The following ABR variants were observed in gnomAD, a reference collection of about 807,000 sequenced individuals.
ABR encodes the protein active breakpoint cluster region-related protein.
A neutral mutation model predicts 107.2 loss-of-function variants in ABR; 35 were observed. The observed-to-expected ratio is 0.33, with a 90% CI of 0.25 to 0.43. The LOEUF is 0.43. Among genes scored for constraint, ABR ranks in the 20% least tolerant of loss-of-function variants. The probability of loss-of-function intolerance (pLI) is 1.00; values close to 1 mark genes in which losing one functional copy is unlikely to be tolerated. For synonymous variants in ABR, 498 were observed against 462.0 expected (o/e 1.08, Z -1.00); for missense variants, 815 against 1,115.2 (o/e 0.73, Z 3.83).
At chr17:1,090,417 C>A (rs1041272292) in intron 4 of ABR, among the ~76,000 whole-genome samples, 3 of 152,048 alleles carry the variant, frequency 2.0e-5, no homozygotes, top group Admixed American at 6.6e-5. Flanking sequence ...GTGAGTGGGC[C>A]TGGAGGCAGG....
At position 1,038,953 on chromosome 17, in the gene ABR, T is replaced by C. The variant is rs1384443628; in HGVS notation, c.1791+11097A>G. On this transcript the variant is annotated intron_variant, in intron 16 of 22. Transcript: ENST00000302538. Reference sequence around the variant, plus strand: ...TTAGCGGCTCACGGGGAGGAATCTATGTCTGCGGCTTTCGCCTCGGCGAGT... The same window carrying C: ...TTAGCGGCTCACGGGGAGGAATCTACGTCTGCGGCTTTCGCCTCGGCGAGT... 6.6e-5 allele frequency among the ~76,000 whole-genome samples: 10 copies of C among 152,346 alleles called. No homozygotes were observed. In the East Asian group the frequency reaches 1.7e-3, roughly 26 times the overall value.
chr17:1,225,148 CA>C (rs57761576), intron 1 of ABR, among the ~76,000 whole-genome samples: 65,070 of 118,848 alleles, frequency 0.55, 15,822 homozygotes, highest in Middle Eastern at 0.63. Context: ...GACTCCATCT[CA>C]AAAAAAAAAA....
At chr17:1,025,089 T>C (rs1597421153) in intron 16 of ABR, among the ~76,000 whole-genome samples, 1 of 104,188 alleles carries the variant, frequency 9.6e-6, no homozygotes. Flanking sequence ...GCCACTGCAC[T>C]CCAGCCTGGG....
At chr17:1,225,326 C>T (rs572395226) in intron 1 of ABR, among the ~76,000 whole-genome samples, 11 of 152,062 alleles carry the variant, frequency 7.2e-5, no homozygotes, top group South Asian at 6.2e-4. Flanking sequence ...AAACCATCTG[C>T]GATCCAGAAT....
intron 1 of ABR, among the ~76,000 whole-genome samples, chr17:1,140,834 C>A (rs184452996): frequency 2.9e-4 from 44 of 152,130 alleles, no homozygotes; most frequent in Non-Finnish European, 5.3e-4. Flanking sequence ...CCGCCCACCT[C>A]GGCTTCCCAA....
At position 1,058,120 on chromosome 17, in the gene ABR, A is replaced by G; in HGVS notation, c.1306-75T>C. On this transcript the variant is annotated intron_variant, in intron 11 of 22. Coordinates refer to ENST00000302538, the MANE Select transcript of ABR (RefSeq NM_021962.5). The stretch of plus-strand genomic sequence containing the variant: ...GTACTCCCAGATCCTGGGGACCCCA[A>G]CAAAGCTCCTTTTATCTTTTTTTTT... 6.9e-6 allele frequency: 6 copies of G among 873,964 alleles called. 1 individual carries two copies. The highest frequency in any genetic ancestry group is 1.5e-5 in the South Asian group (1 of 67,754). The allele number at this position is 873,964 out of a possible 1,614,324, so 54.1% of individuals were successfully genotyped here. A position where few individuals can be genotyped will look rare whatever the true frequency, so the allele number is the denominator to read the frequency against.
intron 1 of ABR, among the ~76,000 whole-genome samples, chr17:1,176,178 G>A (rs1598056760): frequency 6.6e-6 from 1 of 150,930 alleles, no homozygotes; most frequent in Non-Finnish European, 1.5e-5. Flanking sequence ...AGCCTCAGTG[G>A]GTTCAGACAG....
chr17:1,129,197 G>T (rs1202648110), intron 1 of ABR, among the ~76,000 whole-genome samples: 2 of 152,192 alleles, frequency 1.3e-5, no homozygotes, highest in African/African-American at 2.4e-5. Context: ...GAGGGCAAGG[G>T]GAGGGAGAGC....
intron 6 of ABR, 112 bp downstream of exon 6, chr17:1,079,218 C>T (rs1031219052): frequency 1.6e-5 from 24 of 1,501,332 alleles, no homozygotes; most frequent in Middle Eastern, 1.9e-4. Context: ...CACGCTCACA[C>T]GCGCTCACAC....
upstream of ABR, among the ~76,000 whole-genome samples, chr17:1,181,035 TCTCCA>T: frequency 6.6e-6 from 1 of 151,956 alleles, no homozygotes; most frequent in Admixed American, 6.6e-5. Flanking sequence ...ACCGGAGCTG[TCTCCA>T]CCCCACCCCA....
chr17:1,190,199 T>C (rs781470943), upstream of ABR, among the ~76,000 whole-genome samples: 2 of 152,320 alleles, frequency 1.3e-5, no homozygotes, highest in East Asian at 1.9e-4. Flanking sequence ...GCAGCCAGTA[T>C]TGGAGGCTGT....
At chr17:1,026,647 A>C (rs2072221627) in intron 16 of ABR, among the ~76,000 whole-genome samples, 1 of 152,124 alleles carries the variant, frequency 6.6e-6, no homozygotes, top group Admixed American at 6.5e-5. Context: ...CCCAGGACTG[A>C]CGCTGCGTTT....
In ABR at chr17:1,013,134, A is replaced by C; in HGVS notation, c.1822T>G (p.Trp608Gly). ...LDPQTVETKN[W>G]HTDVIEMNGI... is the part of the protein sequence containing the mutation. The stretch of plus-strand genomic sequence containing the variant: ...TTCATCTCAATCACGTCCGTGTGCC[A>C]GTTCTTGGTCTCCACGGTTTGTGGG... The change falls in exon 17 of 23, where the codon TGG (tryptophan) becomes GGG (glycine). Residue 608 changes from tryptophan (W) to glycine (G), a missense_variant. Physicochemically the swap from Trp to Gly is radical, Grantham distance 184. Around this residue, in one of 5 missense-constraint regions of ABR, gnomAD observed 92 missense variants for 82.3 expected, o/e 1.12. Transcript: ENST00000302538. The C allele has an allele frequency of 6.2e-7, 1 of 1,614,176 alleles. No homozygotes were observed. The highest frequency in any genetic ancestry group is 8.5e-7 in the Non-Finnish European group (1 of 1,180,016).
At chr17:1,039,947 T>C (rs150534810) in intron 16 of ABR, among the ~76,000 whole-genome samples, 2 of 151,782 alleles carry the variant, frequency 1.3e-5, no homozygotes, top group Non-Finnish European at 2.9e-5. Context: ...AGGGCAGGGG[T>C]TGGGGACGGG....
intron 2 of ABR, among the ~76,000 whole-genome samples, chr17:1,103,939 T>C (rs2258145): frequency 0.56 from 85,471 of 152,004 alleles, 24,619 homozygotes; most frequent in East Asian, 0.87. Flanking sequence ...AAATTCACAT[T>C]GTTTCTTCAG....
chr17:1,047,290 G>C (rs960772292), intron 16 of ABR, among the ~76,000 whole-genome samples: 4 of 152,280 alleles, frequency 2.6e-5, no homozygotes, highest in Non-Finnish European at 5.9e-5. Context: ...CCCTTCCTTA[G>C]ATGTGTGGCC....
chr17:1,218,969 A>G (rs1409938699), intron 1 of ABR, among the ~76,000 whole-genome samples: 1 of 152,148 alleles, frequency 6.6e-6, no homozygotes, highest in African/African-American at 2.4e-5. Context: ...TTAATATACT[A>G]CTAGGTCAAT....
At chr17:1,072,872 C>A (rs2151187131) in intron 7 of ABR, 118 bp from the exon 8 acceptor site, 1 of 1,327,422 alleles carries the variant, frequency 7.5e-7, no homozygotes. Context: ...CTAATTCCCG[C>A]AAAATCTGAA....
chr17:1,009,227 C>G (rs896345948), intron 21 of ABR, among the ~76,000 whole-genome samples: 3 of 73,678 alleles, frequency 4.1e-5, no homozygotes, highest in Non-Finnish European at 1.0e-4. Flanking sequence ...ATCCCCACTA[C>G]TGTCCATTCC....
Sources: gnomAD v4.1 joint callset for allele counts (sites outside exome capture counted in the v4.1 genomes callset) on GRCh38, gnomAD v4.1.1 for gene constraint, gnomAD v4.1.1 regional missense constraint, MANE v1.5 for transcripts, NCBI Gene and HGNC (gene_info 2026-07-23, HGNC 2026-07-21) for gene names.